GBP7: variants seen among roughly 807,000 people sequenced by gnomAD.
The protein encoded by GBP7 is guanylate binding protein 7, also known as guanylate-binding protein 7.
GBP7 carries 43 observed loss-of-function variants against 61.3 expected under a neutral mutation model. The observed-to-expected ratio is 0.70, with a 90% CI of 0.55 to 0.91. The LOEUF is 0.91. Among genes scored for constraint, GBP7 ranks in the 40% least tolerant of loss-of-function variants. GBP7 has a pLI of 0.00. For missense variants in GBP7, 717 were observed against 740.5 expected (o/e 0.97, Z 0.37); for synonymous variants, 267 against 271.0 (o/e 0.99, Z 0.14).
intron 2 of GBP7, among the ~76,000 whole-genome samples, chr1:89,169,745 C>T (rs1647546946): frequency 6.6e-6 from 1 of 152,188 alleles, no homozygotes; most frequent in South Asian, 2.1e-4. Context: ...CCAAACCACT[C>T]AATGCCATAC....
chr1:89,133,584 C>G, intron 9 of GBP7, 133 bp from the exon 10 acceptor site: 1 of 682,206 alleles, frequency 1.5e-6, no homozygotes, highest in Non-Finnish European at 2.5e-6. Context: ...CTGATAAACT[C>G]CAAGCAGGAC....
At chr1:89,171,706 G>T (rs1647603858) in intron 2 of GBP7, 40 bp downstream of exon 2, 3 of 1,569,824 alleles carry the variant, frequency 1.9e-6, no homozygotes, top group Non-Finnish European at 2.6e-6. Flanking sequence ...TGTGTAACTG[G>T]ACAGATGGGG....
chr1:89,171,717 C>G (rs1647604219), intron 2 of GBP7, 29 bp downstream of exon 2: 1 of 1,600,306 alleles, frequency 6.2e-7, no homozygotes, highest in Non-Finnish European at 8.5e-7. Flanking sequence ...ACAGATGGGG[C>G]TCATCCATGC....
intron 2 of GBP7, 65 bp downstream of exon 2, chr1:89,171,681 A>C: frequency 7.1e-7 from 1 of 1,415,134 alleles, no homozygotes; most frequent in East Asian, 2.3e-5. Context: ...TCCCATCTTC[A>C]TACTAGATAC....
At chr1:89,158,698 A>G (rs533264467) in intron 3 of GBP7, among the ~76,000 whole-genome samples, 71 of 152,352 alleles carry the variant, frequency 4.7e-4, no homozygotes, top group African/African-American at 1.7e-3. Flanking sequence ...CCTCTGCTCA[A>G]TGAAGTAAAA....
At chr1:89,156,844 G>T (rs1682325601) in intron 3 of GBP7, among the ~76,000 whole-genome samples, 1 of 152,180 alleles carries the variant, frequency 6.6e-6, no homozygotes, top group African/African-American at 2.4e-5. Flanking sequence ...ACTCAGCTCT[G>T]CATGAAGAGG....
chr1:89,152,328 A>C lies in GBP7; in HGVS notation c.565T>G (p.Leu189Val). 2 of 1,614,106 alleles carry C rather than the reference A, an allele frequency of 1.2e-6. No individual in the cohort carries two copies. Among genetic ancestry groups the C allele is most frequent in the Non-Finnish European group, 1.7e-6 (2 of 1,180,016 alleles). ...TVRDFTLELK[L>V]DGHPITEDEY... ...TCTTCTGTGATGGGGTGTCCATCTAACTTCAGCTCCAGGGTAAAATCTCGA... is the reference window on the plus strand; with the variant it reads ...TCTTCTGTGATGGGGTGTCCATCTACCTTCAGCTCCAGGGTAAAATCTCGA... The change falls in exon 5 of 11, where the codon TTA becomes GTA. Residue 189 changes from leucine to valine, a missense_variant. By Grantham distance (32) the Leu-to-Val change is conservative. This residue lies in a region of GBP7 where 387 missense variants were observed against 385.2 expected (regional missense o/e 1.00). Transcript: ENST00000294671.
chr1:89,151,560 A>G (rs959539753), intron 5 of GBP7, among the ~76,000 whole-genome samples: 4 of 152,244 alleles, frequency 2.6e-5, no homozygotes, highest in African/African-American at 9.6e-5. Flanking sequence ...GGATGAACAA[A>G]TGAACAAAGA....
chr1:89,150,543 G>A lies in GBP7; in HGVS notation c.658C>T (p.Pro220Ser). ...AAGAAATGCCTGATCCACTCCCTGG[G>A]CTTGTTAGAATTTTGGATTTGGGGA... ...KNPQIQNSNK[P>S]REWIRHFFPK... The change falls in exon 6 of 11, where the codon CCC (proline) becomes TCC (serine). Residue 220 changes from proline to serine, a missense_variant. By Grantham distance (74) the Pro-to-Ser change is moderately conservative (BLOSUM62 -1). Coordinates refer to ENST00000294671, the MANE Select transcript of GBP7 (RefSeq NM_207398.3). 1 of 1,613,858 alleles carries A rather than the reference G, an allele frequency of 6.2e-7. No individual in the cohort carries two copies. Among genetic ancestry groups the A allele is most frequent in the Non-Finnish European group, 8.5e-7 (1 of 1,179,822 alleles).
chr1:89,170,042 A>G (rs982275712), intron 2 of GBP7, among the ~76,000 whole-genome samples: 2 of 152,228 alleles, frequency 1.3e-5, no homozygotes, highest in Non-Finnish European at 2.9e-5. Context: ...TCACTTTGGC[A>G]ATATTCCTAA....
chr1:89,163,671 G>A (rs1230576310), intron 3 of GBP7, among the ~76,000 whole-genome samples: 1 of 151,914 alleles, frequency 6.6e-6, no homozygotes, highest in Non-Finnish European at 1.5e-5. Flanking sequence ...GGAAAAGACT[G>A]CACTTAATAC....
At chr1:89,162,883 A>T (rs1647315350) in intron 3 of GBP7, among the ~76,000 whole-genome samples, 1 of 152,118 alleles carries the variant, frequency 6.6e-6, no homozygotes. Context: ...ATTTAGTATG[A>T]TGTTGACAGT....
intron 9 of GBP7, among the ~76,000 whole-genome samples, chr1:89,136,172 A>G (rs753126819): frequency 2.0e-5 from 3 of 152,188 alleles, no homozygotes; most frequent in Non-Finnish European, 2.9e-5. Flanking sequence ...AACAAGTTCA[A>G]AGAGACCTAT....
intron 9 of GBP7, among the ~76,000 whole-genome samples, chr1:89,139,735 C>A (rs1361730473): frequency 4.6e-5 from 7 of 152,184 alleles, no homozygotes; most frequent in Non-Finnish European, 1.0e-4. Context: ...ATCAAAACCA[C>A]AATGAGATAC....
chr1:89,170,476 T>C (rs1297025286), intron 2 of GBP7, among the ~76,000 whole-genome samples: 1 of 152,208 alleles, frequency 6.6e-6, no homozygotes, highest in Non-Finnish European at 1.5e-5. Flanking sequence ...AACCTCCTTG[T>C]TGCTCAAATG....
At chr1:89,134,370 G>T (rs1189997560) in intron 9 of GBP7, among the ~76,000 whole-genome samples, 1 of 152,178 alleles carries the variant, frequency 6.6e-6, no homozygotes, top group Admixed American at 6.5e-5. Context: ...TGCTGCTGCT[G>T]CTCACCAATG....
chr1:89,162,474 C>T (rs144188187), intron 3 of GBP7, among the ~76,000 whole-genome samples: 2 of 152,120 alleles, frequency 1.3e-5, no homozygotes, highest in African/African-American at 4.8e-5. Flanking sequence ...TTGTAGTTCT[C>T]CTTGGAGAGG....
chr1:89,174,748 T>C (rs973054223), intron 1 of GBP7, among the ~76,000 whole-genome samples: 1 of 152,212 alleles, frequency 6.6e-6, no homozygotes, highest in African/African-American at 2.4e-5. Context: ...ACCTGACACT[T>C]ACTCTGTTGA....
intron 9 of GBP7, among the ~76,000 whole-genome samples, chr1:89,140,016 A>G (rs1379620502): frequency 2.0e-5 from 3 of 152,142 alleles, no homozygotes; most frequent in African/African-American, 7.2e-5. Context: ...GGCACTATTC[A>G]CAATAGCAAA....
Sources: allele counts gnomAD v4.1 joint callset (sites outside exome capture counted in the v4.1 genomes callset), GRCh38; gene constraint gnomAD v4.1.1; regional missense constraint gnomAD v4.1.1; transcripts MANE v1.5; gene names NCBI Gene and HGNC (gene_info 2026-07-23, HGNC 2026-07-21).